Variants in ASAP2 observed in about 807,000 individuals in gnomAD.
ASAP2 encodes arf-GAP with SH3 domain, ANK repeat and PH domain-containing protein 2.
In ASAP2, 45 loss-of-function variants were observed where a neutral mutation model predicts 131.4. The ratio of observed to expected loss-of-function variants is 0.34; its 90% CI spans 0.27 to 0.44. ASAP2 has a LOEUF of 0.44. Among genes scored for constraint, ASAP2 ranks in the 20% least tolerant of loss-of-function variants. The pLI is 1.00. For synonymous variants in ASAP2, 510 were observed against 503.0 expected, an observed-to-expected ratio of 1.01 and a Z score of -0.19; for missense variants, 1,011 against 1,297.0, an observed-to-expected ratio of 0.78 and a Z score of 3.39.
In ASAP2 at chr2:9,311,378, AG is replaced by A. The variant is rs1669285513; in HGVS notation, c.346-7145del. ...CTCTCAAAAAAAAAAAGAAAAAAAA[AG>A]TTTGCCTGCTTGTTGGTCCAACGTT... On this transcript the variant is annotated intron_variant, in intron 3 of 27. Coordinates refer to ENST00000281419, the MANE Select transcript of ASAP2 (RefSeq NM_003887.3). This position sits in a 1 kb window ranked among gnomAD's most constrained non-coding sequence, Gnocchi z 5.2. Among the ~76,000 whole-genome samples the A allele has an allele frequency of 1.3e-5, 2 of 152,008 alleles. No individual in the cohort carries two copies. The highest frequency in any genetic ancestry group is 4.8e-5 in the African/African-American group (2 of 41,352).
chr2:9,332,419 G>A (rs1670906164), intron 7 of ASAP2, among the ~76,000 whole-genome samples: 1 of 152,166 alleles, frequency 6.6e-6, no homozygotes, highest in Non-Finnish European at 1.5e-5. Flanking sequence ...AAATCAGAGG[G>A]AGGAGATTTT....
intron 6 of ASAP2, among the ~76,000 whole-genome samples, chr2:9,326,450 A>G (rs2148525334): frequency 6.8e-6 from 1 of 147,590 alleles, no homozygotes; most frequent in East Asian, 1.9e-4. Flanking sequence ...GGTAGTACAG[A>G]CCTTCTGTGA....
intron 20 of ASAP2, among the ~76,000 whole-genome samples, chr2:9,383,911 G>T (rs563298158): frequency 2.0e-5 from 3 of 152,244 alleles, no homozygotes; most frequent in Admixed American, 1.3e-4. Flanking sequence ...ATTATTGCAA[G>T]GACAGAAAAC....
chr2:9,357,217 G>A (rs1176806376), intron 14 of ASAP2, among the ~76,000 whole-genome samples: 1 of 151,742 alleles, frequency 6.6e-6, no homozygotes, highest in East Asian at 1.9e-4. Flanking sequence ...AGTGACTCAT[G>A]CCTGTAATCC....
At chr2:9,300,896 A>G (rs1417453630) in intron 3 of ASAP2, among the ~76,000 whole-genome samples, 1 of 152,204 alleles carries the variant, frequency 6.6e-6, no homozygotes, top group Non-Finnish European at 1.5e-5. Context: ...TTTCCTGGCA[A>G]AGATCAAAGA....
chr2:9,339,401 C>T lies in ASAP2; in HGVS notation c.849+4222C>T, dbSNP rs114043305. On this transcript the variant is annotated intron_variant, in intron 9 of 27. Transcript: ENST00000281419. The stretch of plus-strand genomic sequence containing the variant: ...GGACCTCTCCATGTCATGGTCTCCC[C>T]GTCTGTCAAATAGGAATAATACAGC... Among the ~76,000 whole-genome samples, 1,032 of 152,092 alleles carry T rather than the reference C, an allele frequency of 6.8e-3. 15 individuals are homozygous for T. Among genetic ancestry groups the T allele is most frequent in the African/African-American group, 0.024 (981 of 41,476 alleles).
intron 9 of ASAP2, among the ~76,000 whole-genome samples, chr2:9,343,871 G>A (rs1414058997): frequency 6.6e-6 from 1 of 152,218 alleles, no homozygotes; most frequent in East Asian, 1.9e-4. Flanking sequence ...TTTCCCAACT[G>A]TGGTAGATTC....
At chr2:9,306,286 T>G (rs1668936482) in intron 3 of ASAP2, among the ~76,000 whole-genome samples, 3 of 140,924 alleles carry the variant, frequency 2.1e-5, no homozygotes, top group South Asian at 2.3e-4. Flanking sequence ...AGATACCGGG[T>G]GGGAGGGCTG....
intron 21 of ASAP2, among the ~76,000 whole-genome samples, chr2:9,387,974 C>T (rs1220759218): frequency 6.6e-6 from 1 of 152,216 alleles, no homozygotes; most frequent in African/African-American, 2.4e-5. Flanking sequence ...ATCCCAAGAA[C>T]AGCAGAGGGG....
intron 1 of ASAP2, among the ~76,000 whole-genome samples, chr2:9,222,348 G>A (rs990064484): frequency 1.3e-5 from 2 of 152,172 alleles, no homozygotes; most frequent in African/African-American, 4.8e-5. Context: ...TTTGTAAATG[G>A]GTTTTAGATA....
At chr2:9,246,994 C>T (rs1279967959) in intron 1 of ASAP2, among the ~76,000 whole-genome samples, 1 of 152,096 alleles carries the variant, frequency 6.6e-6, no homozygotes, top group Admixed American at 6.6e-5. Context: ...TATATACTAC[C>T]ACACCCAGCT....
chr2:9,302,196 G>T, intron 3 of ASAP2, among the ~76,000 whole-genome samples: 1 of 121,896 alleles, frequency 8.2e-6, no homozygotes, highest in Admixed American at 9.4e-5. Context: ...TTTTTGAGAC[G>T]GAGTCTCGCT....
chr2:9,400,641 G>T, intron 25 of ASAP2, 101 bp from the exon 26 acceptor site: 1 of 1,094,958 alleles, frequency 9.1e-7, no homozygotes, highest in African/African-American at 1.5e-5. Context: ...GGAACACCTG[G>T]GGAAACCTGC....
intron 1 of ASAP2, among the ~76,000 whole-genome samples, chr2:9,216,585 T>G (rs942887130): frequency 6.6e-6 from 1 of 150,720 alleles, no homozygotes; most frequent in Non-Finnish European, 1.5e-5. Flanking sequence ...CTCAGCCTCC[T>G]GAGTAGCTGG....
rs528065278 is a variant in ASAP2, at chr2:9,326,998, G to A, written c.601-828G>A. ...AATATTTAATATCAAAAAGAAAGAG[G>A]GAAAGAAGGACCTATAGGTGGTTGT... is the stretch of plus-strand genomic sequence containing the variant. On this transcript the variant is annotated intron_variant, in intron 6 of 27. Transcript: ENST00000281419. Among the ~76,000 whole-genome samples, 9 of 152,226 alleles carry A rather than the reference G, an allele frequency of 5.9e-5. No individual in the cohort carries two copies. In the East Asian group the frequency reaches 9.6e-4, roughly 16 times the overall value.
intron 1 of ASAP2, among the ~76,000 whole-genome samples, chr2:9,254,295 A>G (rs2148156850): frequency 7.7e-6 from 1 of 130,474 alleles, no homozygotes; most frequent in East Asian, 2.1e-4. Flanking sequence ...TATTGTTATA[A>G]TTATTCTATT....
intron 18 of ASAP2, among the ~76,000 whole-genome samples, chr2:9,378,500 A>T (rs1218785175): frequency 6.6e-6 from 1 of 152,254 alleles, no homozygotes; most frequent in Non-Finnish European, 1.5e-5. Context: ...AGAAAAGCTC[A>T]GCCTCCGTCC....
intron 1 of ASAP2, among the ~76,000 whole-genome samples, chr2:9,229,155 C>A (rs1051784516): frequency 6.6e-6 from 1 of 152,114 alleles, no homozygotes; most frequent in East Asian, 1.9e-4. Context: ...TGGAGCCCCC[C>A]CCGCATCATC....
At chr2:9,387,191 G>A (rs1422659137) in intron 21 of ASAP2, among the ~76,000 whole-genome samples, 4 of 139,550 alleles carry the variant, frequency 2.9e-5, no homozygotes, top group African/African-American at 6.1e-5. Context: ...TCCAGCCTGG[G>A]CAACAGAGAG....
Sources: allele counts gnomAD v4.1 joint callset (sites outside exome capture counted in the v4.1 genomes callset), GRCh38; gene constraint gnomAD v4.1.1; non-coding constraint Gnocchi (gnomAD v3.1); transcripts MANE v1.5; gene names NCBI Gene and HGNC (gene_info 2026-07-23, HGNC 2026-07-21).